TRIM54: variants seen among roughly 807,000 people sequenced by gnomAD.
TRIM54 encodes the protein tripartite motif containing 54.
In TRIM54, 40 loss-of-function variants were observed where a neutral mutation model predicts 42.0. The observed-to-expected ratio is 0.95, with a 90% CI of 0.74 to 1.24. The LOEUF (loss-of-function observed/expected upper bound fraction) is 1.24, where lower values mean the gene tolerates loss of function less well. Ranked by LOEUF, TRIM54 falls within the 50% of genes most tolerant of loss-of-function variation. TRIM54 has a pLI of 0.00. For missense variants in TRIM54, 485 were observed against 480.3 expected, an observed-to-expected ratio of 1.01 and a Z score of -0.09; for synonymous variants, 199 against 194.9, an observed-to-expected ratio of 1.02 and a Z score of -0.17.
intron 1 of TRIM54, among the ~76,000 whole-genome samples, chr2:27,285,423 C>T (rs868532981): frequency 1.3e-5 from 2 of 152,108 alleles, no homozygotes; most frequent in East Asian, 1.9e-4. Context: ...AGAAAGTTAA[C>T]GGTTATCAAA....
intron 1 of TRIM54, among the ~76,000 whole-genome samples, chr2:27,295,498 G>T (rs1346760118): frequency 6.6e-6 from 1 of 152,074 alleles, no homozygotes; most frequent in Non-Finnish European, 1.5e-5. Context: ...AGTAGAGACG[G>T]GATTTCACCG....
intron 1 of TRIM54, among the ~76,000 whole-genome samples, chr2:27,284,567 T>C (rs1168635474): frequency 6.6e-6 from 1 of 151,960 alleles, no homozygotes; most frequent in East Asian, 1.9e-4. Flanking sequence ...GACCAAATGC[T>C]GTGCCTCCTC....
chr2:27,291,304 G>A (rs866512873), intron 1 of TRIM54, among the ~76,000 whole-genome samples: 42 of 152,204 alleles, frequency 2.8e-4, no homozygotes, highest in African/African-American at 8.2e-4. Flanking sequence ...GCAGTGAGCC[G>A]AGATCGTGCC....
At chr2:27,283,776 A>G (rs146270437) in intron 1 of TRIM54, among the ~76,000 whole-genome samples, 19,562 of 104,986 alleles carry the variant, frequency 0.19, 1,562 homozygotes, top group African/African-American at 0.29. Context: ...ACACACACAC[A>G]CACGCGCGCA....
At chr2:27,294,113 G>GT (rs999670017) in intron 1 of TRIM54, among the ~76,000 whole-genome samples, 1 of 151,904 alleles carries the variant, frequency 6.6e-6, no homozygotes, top group African/African-American at 2.4e-5. Flanking sequence ...AGCTCTAAGG[G>GT]TTTTTTTGTT....
At chr2:27,302,918 A>G (rs1679075206) in intron 3 of TRIM54, among the ~76,000 whole-genome samples, 1 of 152,226 alleles carries the variant, frequency 6.6e-6, no homozygotes, top group Non-Finnish European at 1.5e-5. Context: ...AATTAGGGTG[A>G]AAATGCCTAC....
intron 3 of TRIM54, among the ~76,000 whole-genome samples, chr2:27,299,844 T>G (rs990184724): frequency 1.3e-5 from 2 of 152,144 alleles, no homozygotes; most frequent in African/African-American, 2.4e-5. Flanking sequence ...TACCTGGGAT[T>G]ACAGGCATGT....
rs1302972482 is a variant in TRIM54 at position 27,307,209 on chromosome 2, G to C, written c.*324G>C. ...GAAGAGGGCCGAGGGCGGGGCGGTG[G>C]TGCCGGGACCTCTGAGGTCCTGGGG... On this transcript the variant is annotated 3_prime_UTR_variant, in exon 9 of 9. Transcript: ENST00000380075. This position sits in a 1 kb window ranked among gnomAD's most constrained non-coding sequence, Gnocchi z 6.9. 9 of 427,224 alleles carry C rather than the reference G, an allele frequency of 2.1e-5. No homozygotes were observed. The highest frequency in any genetic ancestry group is 3.8e-5 in the Non-Finnish European group (9 of 236,696). The allele number at this position is 427,224 out of a possible 1,614,324, so 26.5% of individuals were successfully genotyped here. A position where few individuals can be genotyped will look rare whatever the true frequency, so the allele number is the denominator to read the frequency against.
At chr2:27,283,786 A>ACACACACACACGCGCG in intron 1 of TRIM54, among the ~76,000 whole-genome samples, 2 of 84,524 alleles carry the variant, frequency 2.4e-5, no homozygotes, top group East Asian at 6.0e-4. Context: ...ACACGCGCGC[A>ACACACACACACGCGCG]CACACACACA....
intron 3 of TRIM54, among the ~76,000 whole-genome samples, chr2:27,300,569 TTAG>T (rs753870690): frequency 9.7e-5 from 14 of 143,724 alleles, no homozygotes; most frequent in South Asian, 4.1e-4. Flanking sequence ...ATAATATTTA[TTAG>T]TAGTAGTAGT....
At chr2:27,301,706 C>T (rs1679042291) in intron 3 of TRIM54, among the ~76,000 whole-genome samples, 1 of 152,068 alleles carries the variant, frequency 6.6e-6, no homozygotes, top group Non-Finnish European at 1.5e-5. Flanking sequence ...GTGCCGACCT[C>T]CTATCTCATC....
rs945269724 is a variant in TRIM54, at chr2:27,307,261, CACCTGGCTG to C, written c.*387_*395del. On this transcript the variant is annotated 3_prime_UTR_variant, in exon 9 of 9. Coordinates refer to ENST00000380075, the MANE Select transcript of TRIM54 (RefSeq NM_187841.3). This position sits in a 1 kb window ranked among gnomAD's most constrained non-coding sequence, Gnocchi z 6.9. ...TTTGGGGACCCTTGGGGTCCACATG[CACCTGGCTG>C]ACCTGGCTGAAAGCCGCTGTCTCGG... is the stretch of plus-strand genomic sequence containing the variant. 11 of 572,698 alleles carry C rather than the reference CACCTGGCTG, an allele frequency of 1.9e-5. No homozygotes were observed. Among genetic ancestry groups the C allele is most frequent in the Admixed American group, 3.3e-5 (1 of 30,250 alleles). 35.5% of individuals were successfully genotyped at this position (572,698 alleles called of 1,614,324 possible).
intron 3 of TRIM54, among the ~76,000 whole-genome samples, chr2:27,303,462 A>G (rs2148203346): frequency 6.6e-6 from 1 of 152,208 alleles, no homozygotes; most frequent in Admixed American, 6.5e-5. Context: ...AGGCAGGAGA[A>G]TCGCTTGAAC....
In TRIM54 at chr2:27,306,555, C is replaced by T. The variant is rs555626816; in HGVS notation, c.*1+13C>T. On this transcript the variant is annotated intron_variant, in intron 8 of 8. Transcript: ENST00000380075. This position sits in a 1 kb window ranked among gnomAD's most constrained non-coding sequence, Gnocchi z 6.1. ...GATGGGCCTTAAGGTGAGAGCCGCC[C>T]GATGGGCCTTAAGGTGAGAGCGGCC... 548 of 1,534,332 alleles carry T rather than the reference C, an allele frequency of 3.6e-4. No homozygotes were observed. The highest frequency in any genetic ancestry group is 4.5e-4 in the Non-Finnish European group (515 of 1,139,950).
intron 3 of TRIM54, among the ~76,000 whole-genome samples, chr2:27,303,246 G>A (rs1274362751): frequency 6.6e-6 from 1 of 152,104 alleles, no homozygotes; most frequent in East Asian, 1.9e-4. Context: ...AAAAGGAGGG[G>A]TACCTGCAGC....
chr2:27,305,749 GCCT>G lies in TRIM54; in HGVS notation c.780_782del (p.Ser261del), dbSNP rs750178244. ...CCGTCAGTATGGCGACCACCTGGAG[GCCT>G]CCTCTAAGCTGGTGGAGTCTGCCAT... On this transcript the variant is annotated inframe_deletion, in exon 5 of 9. Transcript: ENST00000380075. 1.9e-6 allele frequency: 3 copies of G among 1,611,906 alleles called. No individual in the cohort carries two copies. Among genetic ancestry groups the G allele is most frequent in the Non-Finnish European group, 2.5e-6 (3 of 1,179,046 alleles).
chr2:27,295,552 C>G (rs1654847126), intron 1 of TRIM54, among the ~76,000 whole-genome samples: 1 of 152,068 alleles, frequency 6.6e-6, no homozygotes, highest in Non-Finnish European at 1.5e-5. Flanking sequence ...ATGATCCACC[C>G]ACCTCGGCCT....
chr2:27,291,822 A>G (rs1678727855), intron 1 of TRIM54, among the ~76,000 whole-genome samples: 1 of 152,174 alleles, frequency 6.6e-6, no homozygotes, highest in Non-Finnish European at 1.5e-5. Flanking sequence ...CGACGGAGAT[A>G]TGGCAGGAGA....
rs1268007271 is a variant in TRIM54, at chr2:27,306,053, C to T, written c.844-27C>T. 6 of 1,613,362 alleles carry T rather than the reference C, an allele frequency of 3.7e-6. No individual in the cohort carries two copies. Among genetic ancestry groups the T allele is most frequent in the African/African-American group, 1.3e-5 (1 of 74,926 alleles). On this transcript the variant is annotated intron_variant, in intron 5 of 8. Transcript: ENST00000380075. The surrounding 1 kb of genome is among the most constrained non-coding windows in gnomAD (Gnocchi z 6.1). ...TTTGCCCAGGTTGGCCCAGTGCTTACTCTCACCCTCCTTTTCTTCCCTGCA... is the reference window on the plus strand; with the variant it reads ...TTTGCCCAGGTTGGCCCAGTGCTTATTCTCACCCTCCTTTTCTTCCCTGCA...
Sources: gnomAD v4.1 joint callset for allele counts (sites outside exome capture counted in the v4.1 genomes callset) on GRCh38, gnomAD v4.1.1 for gene constraint, Gnocchi (gnomAD v3.1) non-coding constraint, MANE v1.5 for transcripts, NCBI Gene and HGNC (gene_info 2026-07-23, HGNC 2026-07-21) for gene names.